The following USP6NL variants were observed in gnomAD, a reference collection of about 807,000 sequenced individuals.
USP6NL encodes USP6 N-terminal-like protein.
A neutral mutation model predicts 61.9 loss-of-function variants in USP6NL; 26 were observed. The observed-to-expected ratio is 0.42, with a 90% CI of 0.31 to 0.58. The LOEUF (loss-of-function observed/expected upper bound fraction) is 0.58. Ranked by LOEUF, USP6NL falls within the 20% of genes least tolerant of loss-of-function variation. The pLI, the probability that USP6NL is intolerant of heterozygous loss-of-function variation, is 0.16. For synonymous variants in USP6NL, 432 were observed against 390.1 expected, an observed-to-expected ratio of 1.11 and a Z score of -1.27; for missense variants, 1,114 against 1,034.3, an observed-to-expected ratio of 1.08 and a Z score of -1.06.
In USP6NL at chr10:11,525,915, T is replaced by C. The variant is rs144114747; in HGVS notation, c.73-447A>G. On this transcript the variant is annotated intron_variant, in intron 3 of 14. Coordinates refer to ENST00000609104, the MANE Select transcript of USP6NL (RefSeq NM_014688.5). This position sits in a 1 kb window ranked among gnomAD's most constrained non-coding sequence, Gnocchi z 5.0. Reference sequence around the variant, plus strand: ...CAGAGAAGCTCCTCGTCTAGTTCTTTACTTCACAGCTATGCCAGCCTGAAA... The same window carrying C: ...CAGAGAAGCTCCTCGTCTAGTTCTTCACTTCACAGCTATGCCAGCCTGAAA... Among the ~76,000 whole-genome samples, 229 of 152,350 alleles carry C rather than the reference T, an allele frequency of 1.5e-3. No individual in the cohort carries two copies. Among genetic ancestry groups the C allele is most frequent in the African/African-American group, 4.9e-3 (204 of 41,584 alleles).
chr10:11,494,852 T>C (rs1255380935), intron 7 of USP6NL, among the ~76,000 whole-genome samples: 1 of 152,152 alleles, frequency 6.6e-6, no homozygotes, highest in East Asian at 1.9e-4. Flanking sequence ...GGATGGAACA[T>C]GAAGGCGGAC....
intron 4 of USP6NL, among the ~76,000 whole-genome samples, chr10:11,519,731 GAC>G: frequency 1.3e-5 from 2 of 152,206 alleles, no homozygotes; most frequent in South Asian, 4.2e-4. Flanking sequence ...GTTCATTTCT[GAC>G]ACAGTATATT....
chr10:11,462,734 C>T lies in USP6NL; in HGVS notation c.2194G>A (p.Asp732Asn), dbSNP rs766862751. The change falls in exon 15 of 15, where the codon GAT becomes AAT. Residue 732 changes from aspartate (D) to asparagine (N), a missense_variant. Physicochemically the swap from Asp to Asn is conservative, Grantham distance 23. Transcript: ENST00000609104. ...LIIPPVDYLPDNRTWSEVSYT... is the reference protein window; with the variant it reads ...LIIPPVDYLPNNRTWSEVSYT... ...CTAACTTCTGACCATGTTCTGTTAT[C>T]TGGCAAGTAATCCACTGGTGGAATG... The T allele has an allele frequency of 1.4e-5, 23 of 1,613,904 alleles. No individual in the cohort carries two copies. In the South Asian group the frequency reaches 2.5e-4, roughly 18 times the overall value.
rs1015191914 is a variant in USP6NL, at chr10:11,537,755, G to A, written c.5-10188C>T. 2.0e-5 allele frequency among the ~76,000 whole-genome samples: 3 copies of A among 152,264 alleles called. No individual in the cohort carries two copies. The highest frequency in any genetic ancestry group is 6.5e-5 in the Admixed American group (1 of 15,294). On this transcript the variant is annotated intron_variant, in intron 2 of 14. Coordinates refer to ENST00000609104, the MANE Select transcript of USP6NL (RefSeq NM_014688.5). This position sits in a 1 kb window ranked among gnomAD's most constrained non-coding sequence, Gnocchi z 5.1. ...CCCTTTCCCTATGGTGAGCACTGCC[G>A]GGGTGGAAGGACCAGGCACACACAC...
At chr10:11,566,005 T>C (rs1028899826) in intron 2 of USP6NL, among the ~76,000 whole-genome samples, 4 of 152,214 alleles carry the variant, frequency 2.6e-5, no homozygotes, top group African/African-American at 9.7e-5. Flanking sequence ...GGAGAGTTTA[T>C]ATGCCATTGG....
chr10:11,608,441 C>G (rs527448515), intron 1 of USP6NL, among the ~76,000 whole-genome samples: 2 of 152,212 alleles, frequency 1.3e-5, no homozygotes, highest in Non-Finnish European at 2.9e-5. Context: ...GGACGGAACT[C>G]ATACAGAAGC....
intron 2 of USP6NL, among the ~76,000 whole-genome samples, chr10:11,549,421 C>T (rs1836406978): frequency 6.6e-6 from 1 of 152,128 alleles, no homozygotes; most frequent in Admixed American, 6.5e-5. Flanking sequence ...CCACACTGTT[C>T]ACAGATATCA....
Position 11,462,599 on chromosome 10 carries a change from G to A in USP6NL, c.2329C>T (p.Leu777Phe). ...GGACTATCTACAGAAACTGCAGGGA[G>A]GCCATGGTCCTGAAAGGGTGCGAGT... ...FQLAPFQDHG[L>F]PAVSVDSPVR... is the part of the protein sequence containing the mutation. Residue 777 changes from leucine (L) to phenylalanine (F), a missense_variant, in exon 15 of 15, where the codon CTC (leucine) becomes TTC (phenylalanine). Coordinates refer to ENST00000609104, the MANE Select transcript of USP6NL (RefSeq NM_014688.5). 1 of 1,614,016 alleles carries A rather than the reference G, an allele frequency of 6.2e-7. No individual in the cohort carries two copies. Among genetic ancestry groups the A allele is most frequent in the Non-Finnish European group, 8.5e-7 (1 of 1,179,896 alleles).
chr10:11,597,568 T>A lies in USP6NL; in HGVS notation c.4+63A>T. On this transcript the variant is annotated intron_variant, in intron 2 of 14. Coordinates refer to ENST00000609104, the MANE Select transcript of USP6NL (RefSeq NM_014688.5). This position sits in a 1 kb window ranked among gnomAD's most constrained non-coding sequence, Gnocchi z 4.6. Reference sequence around the variant, plus strand: ...TTTATTCAGTAACATGTTTTTCTTCTCCTAAGCACAATACAGCAAACGCTC... The same window carrying A: ...TTTATTCAGTAACATGTTTTTCTTCACCTAAGCACAATACAGCAAACGCTC... 6.6e-7 allele frequency: 1 copy of A among 1,517,966 alleles called. No individual in the cohort carries two copies. 94.0% of individuals were successfully genotyped at this position (1,517,966 alleles called of 1,614,324 possible).
At chr10:11,475,299 G>C (rs1383537290) in intron 14 of USP6NL, among the ~76,000 whole-genome samples, 31 of 120,444 alleles carry the variant, frequency 2.6e-4, no homozygotes, top group Admixed American at 2.5e-3. Context: ...AAGAAAGTTT[G>C]CCAAAAAAAA....
rs538759789 is a variant in USP6NL, at chr10:11,497,192, A to G, written c.384+3909T>C. On this transcript the variant is annotated intron_variant, in intron 7 of 14. Coordinates refer to ENST00000609104, the MANE Select transcript of USP6NL (RefSeq NM_014688.5). ...TGGAAGGGTGAGGTGGGGGGATCAC[A>G]AGGTCAGGAGATGGAGACCATCTTG... Among the ~76,000 whole-genome samples the G allele has an allele frequency of 1.0e-3, 150 of 150,374 alleles. 1 individual carries two copies. The highest frequency in any genetic ancestry group is 3.4e-3 in the African/African-American group (141 of 40,874).
Position 11,585,711 on chromosome 10 carries a change from A to C in USP6NL, c.4+11920T>G, listed in dbSNP as rs747225914. On this transcript the variant is annotated intron_variant, in intron 2 of 14. Coordinates refer to ENST00000609104, the MANE Select transcript of USP6NL (RefSeq NM_014688.5). This position sits in a 1 kb window ranked among gnomAD's most constrained non-coding sequence, Gnocchi z 4.5. The stretch of plus-strand genomic sequence containing the variant: ...TTGAATAAAAATTTAAAAAGGTGGA[A>C]GCAACCCAAGTGTCCACTGACAGAA... Among the ~76,000 whole-genome samples the C allele has an allele frequency of 3.9e-5, 6 of 152,200 alleles. No individual in the cohort carries two copies. Among genetic ancestry groups the C allele is most frequent in the Non-Finnish European group, 7.3e-5 (5 of 68,042 alleles).
intron 1 of USP6NL, among the ~76,000 whole-genome samples, chr10:11,606,109 CA>C (rs1838699801): frequency 1.3e-5 from 2 of 151,902 alleles, no homozygotes; most frequent in Non-Finnish European, 2.9e-5. Context: ...AAGCCAAAGA[CA>C]AAATGAAAAC....
rs763104280 is a variant in USP6NL, at chr10:11,462,952, C to T, written c.1976G>A (p.Ser659Asn). The T allele has an allele frequency of 1.2e-6, 2 of 1,613,604 alleles. No individual in the cohort carries two copies. The highest frequency in any genetic ancestry group is 1.7e-6 in the Non-Finnish European group (2 of 1,179,754). The change falls in exon 15 of 15, where the codon AGC (serine) becomes AAC (asparagine). Residue 659 changes from serine to asparagine, a missense_variant. Physicochemically the swap from Ser to Asn is conservative, Grantham distance 46. Coordinates refer to ENST00000609104, the MANE Select transcript of USP6NL (RefSeq NM_014688.5). ...ANSSFASPQF[S>N]PGTQLNPSRR... ...GGAAGGATTCAGTTGAGTCCCAGGG[C>T]TAAACTGTGGAGAAGCAAAGCTGCT...
At chr10:11,479,899 A>G (rs1239862710) in intron 14 of USP6NL, among the ~76,000 whole-genome samples, 1 of 152,102 alleles carries the variant, frequency 6.6e-6, no homozygotes, top group Non-Finnish European at 1.5e-5. Flanking sequence ...AAAAGGACAG[A>G]TGTGACATGG....
In USP6NL at chr10:11,505,097, G is replaced by A. The variant is rs1591857136; in HGVS notation, c.277-3889C>T. On this transcript the variant is annotated intron_variant, in intron 6 of 14. Coordinates refer to ENST00000609104, the MANE Select transcript of USP6NL (RefSeq NM_014688.5). Reference sequence around the variant, plus strand: ...TCCAACACAGGGACTGTCATCCTGAGCTTATCTTAGAGATAACAGAAGAAA... The same window carrying A: ...TCCAACACAGGGACTGTCATCCTGAACTTATCTTAGAGATAACAGAAGAAA... 2.0e-5 allele frequency among the ~76,000 whole-genome samples: 3 copies of A among 152,290 alleles called. No homozygotes were observed. The East Asian group carries it at 5.8e-4, about 29-fold the overall frequency.
intron 1 of USP6NL, among the ~76,000 whole-genome samples, chr10:11,609,268 T>C (rs1355436334): frequency 6.6e-6 from 1 of 152,146 alleles, no homozygotes; most frequent in African/African-American, 2.4e-5. Context: ...GGTTTCAGCA[T>C]GTTAGCCAGG....
rs149019159 is a variant in USP6NL, at chr10:11,562,399, T to C, written c.5-34832A>G. ...TGACACCAACTTCAGATTTCCCCTT[T>C]TCCTTTTTCTTCTTGCTTGGCTCTT... is the stretch of plus-strand genomic sequence containing the variant. On this transcript the variant is annotated intron_variant, in intron 2 of 14. Coordinates refer to ENST00000609104, the MANE Select transcript of USP6NL (RefSeq NM_014688.5). This position sits in a 1 kb window ranked among gnomAD's most constrained non-coding sequence, Gnocchi z 4.8. The C allele has an allele frequency of 7.2e-4, 708 of 985,318 alleles. 5 individuals carry two copies. The African/African-American group carries it at 0.011, about 15-fold the overall frequency. 61.0% of individuals were successfully genotyped at this position (985,318 alleles called of 1,614,324 possible).
At position 11,538,100 on chromosome 10, in the gene USP6NL, ATTAAG is replaced by A. The variant is rs1309740500; in HGVS notation, c.5-10538_5-10534del. Among the ~76,000 whole-genome samples, 12 of 152,280 alleles carry A rather than the reference ATTAAG, an allele frequency of 7.9e-5. No homozygotes were observed. The East Asian group carries it at 1.9e-3, about 24-fold the overall frequency. ...GTAAAATATTTAAATTATGGTTTTA[ATTAAG>A]TTAAAATTTTTTCTCACACCAAGTC... On this transcript the variant is annotated intron_variant, in intron 2 of 14. Coordinates refer to ENST00000609104, the MANE Select transcript of USP6NL (RefSeq NM_014688.5).
Sources: gnomAD v4.1 joint callset for allele counts (sites outside exome capture counted in the v4.1 genomes callset) on GRCh38, gnomAD v4.1.1 for gene constraint, Gnocchi (gnomAD v3.1) non-coding constraint, MANE v1.5 for transcripts, NCBI Gene and HGNC (gene_info 2026-07-23, HGNC 2026-07-21) for gene names.